Variants in FGF14 observed in about 807,000 individuals in gnomAD.
FGF14 encodes the protein fibroblast growth factor homologous factor 4.
Under a neutral mutation model 25.5 loss-of-function variants are expected in FGF14, and 5 were observed. The ratio of observed to expected loss-of-function variants is 0.20; its 90% CI spans 0.10 to 0.41. The LOEUF is 0.41. Ranked by LOEUF, FGF14 falls within the 10% of genes least tolerant of loss-of-function variation. The pLI, the probability that FGF14 is intolerant of heterozygous loss-of-function variation, is 1.00. For synonymous variants in FGF14, 138 were observed against 118.3 expected (o/e 1.17, Z -1.08); for missense variants, 222 against 320.1 (o/e 0.69, Z 2.34).
intron 3 of FGF14, among the ~76,000 whole-genome samples, chr13:101,795,028 A>G (rs1418114479): frequency 3.3e-5 from 5 of 152,184 alleles, no homozygotes; most frequent in Non-Finnish European, 5.9e-5. Flanking sequence ...TAAAACATGT[A>G]CATTATTGTG....
intron 3 of FGF14, among the ~76,000 whole-genome samples, chr13:101,745,289 C>G (rs989963752): frequency 6.6e-6 from 1 of 151,968 alleles, no homozygotes; most frequent in African/African-American, 2.4e-5. Flanking sequence ...CTAACTCCTC[C>G]CCATTATCAG....
chr13:102,264,440 T>C (rs1286850683), intron 1 of FGF14, among the ~76,000 whole-genome samples: 1 of 152,194 alleles, frequency 6.6e-6, no homozygotes, highest in Non-Finnish European at 1.5e-5. Context: ...TTGAGTTATA[T>C]GGCTATTAGA....
At chr13:101,733,680 C>T (rs956500596) in intron 3 of FGF14, among the ~76,000 whole-genome samples, 1 of 150,910 alleles carries the variant, frequency 6.6e-6, no homozygotes, top group African/African-American at 2.4e-5. Context: ...TATATTTCTA[C>T]CAACAAAGGA....
chr13:102,125,498 A>T (rs925552276), intron 1 of FGF14, among the ~76,000 whole-genome samples: 3 of 152,124 alleles, frequency 2.0e-5, no homozygotes, highest in African/African-American at 7.2e-5. Flanking sequence ...CTGGCCCATG[A>T]ATTAACATAG....
At chr13:101,925,469 G>T (rs970291601) in intron 1 of FGF14, among the ~76,000 whole-genome samples, 1 of 152,170 alleles carries the variant, frequency 6.6e-6, no homozygotes, top group Non-Finnish European at 1.5e-5. Flanking sequence ...ACTTCAGTGT[G>T]CAGGGTTTCA....
Position 101,715,845 on chromosome 13 carries a change from T to C in FGF14, c.*6986A>G, listed in dbSNP as rs1029278350. ...TATGCAAATTTAGATGCAAATAACA[T>C]TAGAAAAAAAAGATTCTTCCATAAT... On this transcript the variant is annotated 3_prime_UTR_variant, in exon 5 of 5. Coordinates refer to ENST00000376143, the MANE Select transcript of FGF14 (RefSeq NM_004115.4). 1 of 462,102 alleles carries C rather than the reference T, an allele frequency of 2.2e-6. No homozygotes were observed. The highest frequency in any genetic ancestry group is 2.0e-5 in the African/African-American group (1 of 50,008). The allele number at this position is 462,102 out of a possible 1,614,324, so 28.6% of individuals were successfully genotyped here. A position where few individuals can be genotyped will look rare whatever the true frequency, so the allele number is the denominator to read the frequency against.
At chr13:101,986,575 G>T (rs1417722658) in intron 1 of FGF14, among the ~76,000 whole-genome samples, 1 of 152,084 alleles carries the variant, frequency 6.6e-6, no homozygotes, top group Non-Finnish European at 1.5e-5. Flanking sequence ...CGTAGGTCTT[G>T]CTGTTATTGT....
intron 1 of FGF14, among the ~76,000 whole-genome samples, chr13:102,043,679 C>T (rs959518910): frequency 2.6e-5 from 4 of 152,002 alleles, no homozygotes; most frequent in South Asian, 2.1e-4. Context: ...AATATCTGAC[C>T]GAAACAGTGA....
At chr13:101,803,142 T>C (rs2040988639) in intron 3 of FGF14, among the ~76,000 whole-genome samples, 1 of 151,702 alleles carries the variant, frequency 6.6e-6, no homozygotes, top group Non-Finnish European at 1.5e-5. Context: ...TTTTTTTTTT[T>C]TTTTGAGACA....
At chr13:101,859,334 A>C (rs1211092737) in intron 3 of FGF14, among the ~76,000 whole-genome samples, 1 of 152,182 alleles carries the variant, frequency 6.6e-6, no homozygotes, top group Admixed American at 6.6e-5. Flanking sequence ...TAGAACTCTT[A>C]GAATTCATCT....
chr13:101,785,100 C>T (rs992078651), intron 3 of FGF14, among the ~76,000 whole-genome samples: 5 of 152,180 alleles, frequency 3.3e-5, no homozygotes, highest in Middle Eastern at 3.4e-3. Context: ...ATGAGAAGTG[C>T]AGTCATTACA....
chr13:102,131,448 T>A (rs1185192169), intron 1 of FGF14, among the ~76,000 whole-genome samples: 2 of 152,172 alleles, frequency 1.3e-5, no homozygotes, highest in Non-Finnish European at 2.9e-5. Flanking sequence ...TAAGATGAGC[T>A]CATGGTGCCT....
chr13:102,401,411 C>A, intron 1 of FGF14: 1 of 1,512,498 alleles, frequency 6.6e-7, no homozygotes, highest in Non-Finnish European at 9.2e-7. Context: ...AGATCTAGCT[C>A]GATGAGCAAC....
At chr13:101,937,517 G>T (rs2035182307) in intron 1 of FGF14, among the ~76,000 whole-genome samples, 1 of 152,204 alleles carries the variant, frequency 6.6e-6, no homozygotes, top group Admixed American at 6.5e-5. Flanking sequence ...GGCCTCAGAA[G>T]AAATCAACCT....
chr13:102,268,766 G>C (rs956045190), intron 1 of FGF14, among the ~76,000 whole-genome samples: 2 of 152,038 alleles, frequency 1.3e-5, no homozygotes, highest in African/African-American at 4.8e-5. Context: ...TAAAATACAT[G>C]AGGGGAAAAC....
rs965308638 is a variant in FGF14 at position 102,291,451 on chromosome 13, T to C, written c.208+110020A>G. ...AAAAAAAGTCTAGAAGTTTTCACAGTGGTGCTAGGAGAAGCTTAAAGGAGT... is the reference window on the plus strand; with the variant it reads ...AAAAAAAGTCTAGAAGTTTTCACAGCGGTGCTAGGAGAAGCTTAAAGGAGT... On this transcript the variant is annotated intron_variant, in intron 1 of 4. Transcript: ENST00000376131. 2.0e-5 allele frequency among the ~76,000 whole-genome samples: 3 copies of C among 152,212 alleles called. No individual in the cohort carries two copies. The East Asian group carries it at 5.8e-4, about 29-fold the overall frequency.
chr13:101,778,355 C>G (rs946851503), intron 3 of FGF14, among the ~76,000 whole-genome samples: 2 of 152,164 alleles, frequency 1.3e-5, no homozygotes, highest in Admixed American at 1.3e-4. Context: ...TGTTGCAACA[C>G]CACTTCCATC....
intron 3 of FGF14, among the ~76,000 whole-genome samples, chr13:101,740,377 A>G (rs556766517): frequency 5.3e-5 from 8 of 152,328 alleles, no homozygotes; most frequent in South Asian, 4.1e-4. Context: ...AGCCTAAAAG[A>G]GAGCCAATTT....
intron 1 of FGF14, among the ~76,000 whole-genome samples, chr13:101,909,119 A>C (rs971615457): frequency 1.3e-5 from 2 of 152,236 alleles, no homozygotes; most frequent in Non-Finnish European, 2.9e-5. Context: ...TAAACTTTAG[A>C]CCTAAAACCA....
Sources: gnomAD v4.1 joint callset for allele counts (sites outside exome capture counted in the v4.1 genomes callset) on GRCh38, gnomAD v4.1.1 for gene constraint, MANE v1.5 for transcripts, NCBI Gene and HGNC (gene_info 2026-07-23, HGNC 2026-07-21) for gene names.